Variants in GATA4 observed in about 807,000 individuals in gnomAD.
GATA4 encodes the protein transcription factor GATA-4.
In GATA4, 7 loss-of-function variants were observed where a neutral mutation model predicts 37.9. The observed-to-expected ratio is 0.18, with a 90% CI of 0.11 to 0.35. The LOEUF is 0.35. Among genes scored for constraint, GATA4 ranks in the 10% least tolerant of loss-of-function variants. The pLI, the probability that GATA4 is intolerant of heterozygous loss-of-function variation, is 1.00. For missense variants in GATA4, 647 were observed against 653.0 expected, an observed-to-expected ratio of 0.99 and a Z score of 0.10; for synonymous variants, 372 against 292.6, an observed-to-expected ratio of 1.27 and a Z score of -2.77.
At chr8:11,704,607 T>C (rs1027929414) in intron 1 of GATA4, among the ~76,000 whole-genome samples, 1 of 152,188 alleles carries the variant, frequency 6.6e-6, no homozygotes, top group Admixed American at 6.5e-5. Flanking sequence ...CAACCCTTGT[T>C]TGCATATCGC....
chr8:11,755,357 GC>G (rs1802504032), intron 5 of GATA4, among the ~76,000 whole-genome samples: 1 of 152,210 alleles, frequency 6.6e-6, no homozygotes, highest in Non-Finnish European at 1.5e-5. Flanking sequence ...TCAAGCTGGG[GC>G]CTGATCATTG....
chr8:11,685,277 AAAGAG>A (rs1440531947), intron 1 of GATA4, among the ~76,000 whole-genome samples: 2 of 152,250 alleles, frequency 1.3e-5, no homozygotes, highest in African/African-American at 4.8e-5. Context: ...CACAGTCGAG[AAAGAG>A]AAGAGAGAAG....
intron 2 of GATA4, among the ~76,000 whole-genome samples, chr8:11,722,142 C>T (rs941178689): frequency 5.9e-5 from 9 of 152,206 alleles, no homozygotes; most frequent in African/African-American, 2.2e-4. Flanking sequence ...ACCACCACAC[C>T]CCACCTAAAT....
intron 4 of GATA4, among the ~76,000 whole-genome samples, chr8:11,752,092 A>G (rs1802331544): frequency 6.6e-6 from 1 of 152,240 alleles, no homozygotes. Flanking sequence ...TGGAATATTG[A>G]GAAGAAACTT....
chr8:11,736,946 T>C (rs1464637570), intron 2 of GATA4, among the ~76,000 whole-genome samples: 1 of 152,164 alleles, frequency 6.6e-6, no homozygotes, highest in African/African-American at 2.4e-5. Context: ...CCTGGTAATG[T>C]GGTCTTCATT....
chr8:11,706,756 C>T (rs1475654890), intron 1 of GATA4, among the ~76,000 whole-genome samples: 1 of 152,236 alleles, frequency 6.6e-6, no homozygotes, highest in Admixed American at 6.5e-5. Context: ...TGATCCCATT[C>T]CCTTCCCCCA....
chr8:11,740,802 C>T (rs529019778), intron 2 of GATA4, among the ~76,000 whole-genome samples: 14 of 151,814 alleles, frequency 9.2e-5, no homozygotes, highest in East Asian at 1.9e-4. Flanking sequence ...GGCATGATCA[C>T]GGCTCACTGC....
At chr8:11,696,270 C>T (rs1488998455) in intron 1 of GATA4, among the ~76,000 whole-genome samples, 1 of 152,122 alleles carries the variant, frequency 6.6e-6, no homozygotes, top group African/African-American at 2.4e-5. Flanking sequence ...TCCCCCTCTA[C>T]AGTCAACTCT....
chr8:11,733,233 A>G (rs778068025), intron 2 of GATA4, among the ~76,000 whole-genome samples: 32 of 152,228 alleles, frequency 2.1e-4, no homozygotes, highest in Admixed American at 3.9e-4. Context: ...AAACAAATCT[A>G]TAAATTTAAC....
intron 2 of GATA4, among the ~76,000 whole-genome samples, chr8:11,738,460 G>A (rs2898295): frequency 0.42 from 63,454 of 152,028 alleles, 13,843 homozygotes; most frequent in Middle Eastern, 0.52. Flanking sequence ...AGCATATACT[G>A]CAAGAATTCC....
At chr8:11,756,477 G>A (rs1802574097) in intron 5 of GATA4, 1 of 223,446 alleles carries the variant, frequency 4.5e-6, no homozygotes, top group Non-Finnish European at 9.1e-6. Flanking sequence ...CCAAATCCAG[G>A]AAGCAAGATT....
chr8:11,701,661 C>G (rs1390882725), upstream of GATA4, among the ~76,000 whole-genome samples: 3 of 152,156 alleles, frequency 2.0e-5, no homozygotes, highest in Admixed American at 2.0e-4. Context: ...TGCCAACCAC[C>G]CCTGGTTTGT....
intron 2 of GATA4, among the ~76,000 whole-genome samples, chr8:11,730,231 G>A (rs1801139634): frequency 6.6e-6 from 1 of 152,136 alleles, no homozygotes; most frequent in Non-Finnish European, 1.5e-5. Flanking sequence ...GTGGTTTTGT[G>A]GGCTGGAGTA....
In GATA4 at chr8:11,708,645, G is replaced by C. The variant is rs1331416104; in HGVS notation, c.333G>C (p.Pro111=). ...PPPVSPRFSF[P]GTTGSLAAAA... ...CGGTGTCGCCGCGCTTCTCCTTCCC[G>C]GGGACCACCGGGTCCCTGGCGGCCG... The change falls in exon 2 of 7, where the codon CCG becomes CCC. Residue 111 remains proline, a synonymous_variant. Coordinates refer to ENST00000532059, the MANE Select transcript of GATA4 (RefSeq NM_001308093.3). The surrounding 1 kb of genome is among the most constrained non-coding windows in gnomAD (Gnocchi z 6.7). 6 of 1,326,294 alleles carry C rather than the reference G, an allele frequency of 4.5e-6. No homozygotes were observed. The East Asian group carries it at 1.6e-4, about 35-fold the overall frequency. The allele number at this position is 1,326,294 out of a possible 1,614,324, so 82.2% of individuals were successfully genotyped here. A position where few individuals can be genotyped will look rare whatever the true frequency, so the allele number is the denominator to read the frequency against.
intron 2 of GATA4, among the ~76,000 whole-genome samples, chr8:11,744,543 T>G (rs376116041): frequency 6.6e-6 from 1 of 152,344 alleles, no homozygotes; most frequent in African/African-American, 2.4e-5. Flanking sequence ...TGAGAAGTGG[T>G]GCTTACCGAG....
intron 1 of GATA4, among the ~76,000 whole-genome samples, chr8:11,686,208 C>A (rs1360476531): frequency 1.5e-5 from 2 of 131,262 alleles, no homozygotes; most frequent in Non-Finnish European, 3.1e-5. Context: ...AGATCTTGTA[C>A]TGGGTCTGTT....
rs1800024133 is a variant in GATA4, at chr8:11,708,817, G to T, written c.505G>T (p.Val169Leu). 2 of 1,483,996 alleles carry T rather than the reference G, an allele frequency of 1.3e-6. No individual in the cohort carries two copies. The highest frequency in any genetic ancestry group is 2.9e-5 in the African/African-American group (2 of 68,200). 91.9% of individuals were successfully genotyped at this position (1,483,996 alleles called of 1,614,324 possible). ...CCCCTACCCGGCTTACATGGCCGACGTGGGCGCGTCCTGGGCCGCAGCCGC... is the reference window on the plus strand; with the variant it reads ...CCCCTACCCGGCTTACATGGCCGACTTGGGCGCGTCCTGGGCCGCAGCCGC... The part of the protein sequence containing the change: ...SSPYPAYMAD[V>L]GASWAAAAAA... Residue 169 changes from valine to leucine, a missense_variant, in exon 2 of 7, where the codon GTG (valine) becomes TTG (leucine). By Grantham distance (32) the Val-to-Leu change is conservative (BLOSUM62 1). This residue lies in a region of GATA4 where 379 missense variants were observed against 334.5 expected (regional missense o/e 1.13). Transcript: ENST00000532059. This position sits in a 1 kb window ranked among gnomAD's most constrained non-coding sequence, Gnocchi z 6.7.
chr8:11,714,226 C>T (rs966170058), intron 2 of GATA4, among the ~76,000 whole-genome samples: 1 of 152,178 alleles, frequency 6.6e-6, no homozygotes, highest in South Asian at 2.1e-4. Flanking sequence ...AAGTTTGAAT[C>T]ATTTTTAGAG....
intron 2 of GATA4, among the ~76,000 whole-genome samples, chr8:11,726,720 G>A (rs2130178369): frequency 6.6e-6 from 1 of 152,294 alleles, no homozygotes; most frequent in African/African-American, 2.4e-5. Context: ...AGGGAGATGA[G>A]GAAGTGGATA....
Sources: allele counts gnomAD v4.1 joint callset (sites outside exome capture counted in the v4.1 genomes callset), GRCh38; gene constraint gnomAD v4.1.1; regional missense constraint gnomAD v4.1.1; non-coding constraint Gnocchi (gnomAD v3.1); transcripts MANE v1.5; gene names NCBI Gene and HGNC (gene_info 2026-07-23, HGNC 2026-07-21).